CADM2: variants seen among roughly 807,000 people sequenced by gnomAD.
The protein encoded by CADM2 is cell adhesion molecule 2.
A neutral mutation model predicts 49.8 loss-of-function variants in CADM2; 12 were observed. The ratio of observed to expected loss-of-function variants is 0.24; its 90% CI spans 0.15 to 0.39. The LOEUF (loss-of-function observed/expected upper bound fraction) is 0.39, where lower values mean the gene tolerates loss of function less well. Among genes scored for constraint, CADM2 ranks in the 10% least tolerant of loss-of-function variants. The pLI is 1.00. For missense variants in CADM2, 378 were observed against 492.3 expected (o/e 0.77, Z 2.20); for synonymous variants, 214 against 175.4 (o/e 1.22, Z -1.74).
chr3:85,933,948 T>A (rs998837756), intron 6 of CADM2, among the ~76,000 whole-genome samples: 1 of 152,084 alleles, frequency 6.6e-6, no homozygotes, highest in African/African-American at 2.4e-5. Flanking sequence ...CTCTACTCAG[T>A]CTACCAACTT....
intron 6 of CADM2, among the ~76,000 whole-genome samples, chr3:85,915,685 C>T (rs572104270): frequency 4.6e-5 from 7 of 152,154 alleles, no homozygotes; most frequent in African/African-American, 7.2e-5. Flanking sequence ...GAAAGAAGAG[C>T]TCAGCCTTGG....
intron 6 of CADM2, among the ~76,000 whole-genome samples, chr3:85,918,920 A>G (rs946555093): frequency 6.6e-6 from 1 of 152,088 alleles, no homozygotes; most frequent in African/African-American, 2.4e-5. Flanking sequence ...TAAATAATGT[A>G]TCTGCACTCA....
chr3:85,322,775 C>T (rs1489322364), intron 1 of CADM2, among the ~76,000 whole-genome samples: 3 of 152,098 alleles, frequency 2.0e-5, no homozygotes, highest in Non-Finnish European at 4.4e-5. Context: ...ATCCATTCTA[C>T]TGAGGTGGGT....
At chr3:85,723,264 G>T (rs554117305) in intron 1 of CADM2, among the ~76,000 whole-genome samples, 3 of 152,088 alleles carry the variant, frequency 2.0e-5, no homozygotes, top group Non-Finnish European at 2.9e-5. Context: ...ACAAAAAATG[G>T]TGTCATATCT....
At chr3:85,314,651 T>C (rs759864120) in intron 1 of CADM2, among the ~76,000 whole-genome samples, 1 of 152,148 alleles carries the variant, frequency 6.6e-6, no homozygotes, top group African/African-American at 2.4e-5. Flanking sequence ...TACCTCTTAC[T>C]CAATAAATAA....
At chr3:85,875,231 A>G (rs930665229) in intron 3 of CADM2, among the ~76,000 whole-genome samples, 1 of 152,126 alleles carries the variant, frequency 6.6e-6, no homozygotes, top group South Asian at 2.1e-4. Context: ...TCTGTCTGTA[A>G]TACAAATCTT....
At chr3:85,050,426 G>C (rs993958548) in intron 1 of CADM2, among the ~76,000 whole-genome samples, 2 of 152,016 alleles carry the variant, frequency 1.3e-5, no homozygotes, top group African/African-American at 4.8e-5. Context: ...CTATGGACCA[G>C]AACAAAATGC....
intron 1 of CADM2, among the ~76,000 whole-genome samples, chr3:85,107,071 G>A (rs928477423): frequency 5.9e-5 from 9 of 152,086 alleles, no homozygotes; most frequent in African/African-American, 1.9e-4. Context: ...TCACAAGGAA[G>A]ATACAGTGTC....
At chr3:85,003,666 C>G (rs917690994) in intron 1 of CADM2, among the ~76,000 whole-genome samples, 1 of 152,046 alleles carries the variant, frequency 6.6e-6, no homozygotes, top group African/African-American at 2.4e-5. Context: ...CACATTTCTA[C>G]AGAGTATTGT....
intron 1 of CADM2, among the ~76,000 whole-genome samples, chr3:84,964,572 T>C (rs542773059): frequency 1.3e-5 from 2 of 152,284 alleles, no homozygotes; most frequent in South Asian, 2.1e-4. Context: ...GCTGAATAGA[T>C]TGAGGAAGTA....
At chr3:85,106,672 A>T (rs917502148) in intron 1 of CADM2, among the ~76,000 whole-genome samples, 4 of 152,158 alleles carry the variant, frequency 2.6e-5, no homozygotes, top group Non-Finnish European at 5.9e-5. Flanking sequence ...TAGTATTTGG[A>T]TATTAATTAA....
chr3:85,450,823 T>C (rs534955748), intron 1 of CADM2, among the ~76,000 whole-genome samples: 1 of 152,078 alleles, frequency 6.6e-6, no homozygotes, highest in East Asian at 1.9e-4. Context: ...ACCAGAAAAA[T>C]ATGAAATAAA....
In CADM2 at chr3:86,068,110, T is replaced by A. The variant is rs186108557; in HGVS notation, c.*1327T>A. The A allele has an allele frequency of 3.0e-4, 46 of 152,570 alleles. No homozygotes were observed. Among genetic ancestry groups the A allele is most frequent in the Admixed American group, 2.6e-3 (39 of 15,294 alleles). 9.5% of individuals were successfully genotyped at this position (152,570 alleles called of 1,614,324 possible). A position where few individuals can be genotyped will look rare whatever the true frequency, so the allele number is the denominator to read the frequency against. ...GTTTTCTGTATAAATGAACTAATTC[T>A]TTATATTAAATTCCTGTCTATGCAT... On this transcript the variant is annotated 3_prime_UTR_variant, in exon 10 of 10. Coordinates refer to ENST00000383699, the MANE Select transcript of CADM2 (RefSeq NM_001167675.2).
intron 1 of CADM2, among the ~76,000 whole-genome samples, chr3:85,299,345 G>A (rs1195586350): frequency 6.6e-6 from 1 of 151,824 alleles, no homozygotes; most frequent in African/African-American, 2.4e-5. Context: ...CAAGTATTTC[G>A]GGCTTTTTAT....
At chr3:85,206,464 C>CTAT (rs2041639608) in intron 1 of CADM2, among the ~76,000 whole-genome samples, 1 of 151,822 alleles carries the variant, frequency 6.6e-6, no homozygotes, top group Non-Finnish European at 1.5e-5. Context: ...CCCGTCACCA[C>CTAT]GCCCGGCTAA....
intron 8 of CADM2, among the ~76,000 whole-genome samples, chr3:86,043,177 G>A (rs1039778327): frequency 2.0e-5 from 3 of 152,150 alleles, no homozygotes; most frequent in African/African-American, 7.2e-5. Flanking sequence ...CACAAGACAG[G>A]GATGCCTTCT....
At chr3:85,369,313 A>G (rs2033023366) in intron 1 of CADM2, among the ~76,000 whole-genome samples, 1 of 152,194 alleles carries the variant, frequency 6.6e-6, no homozygotes, top group Non-Finnish European at 1.5e-5. Context: ...ACATATCATG[A>G]CTACATATAT....
intron 7 of CADM2, among the ~76,000 whole-genome samples, chr3:85,943,028 T>C (rs1399560002): frequency 2.0e-5 from 3 of 152,150 alleles, no homozygotes; most frequent in Non-Finnish European, 4.4e-5. Flanking sequence ...ATTCCCATTC[T>C]AACTGGTGTG....
chr3:86,045,977 C>T (rs1185250984), intron 8 of CADM2, among the ~76,000 whole-genome samples: 1 of 152,044 alleles, frequency 6.6e-6, no homozygotes, highest in African/African-American at 2.4e-5. Context: ...TCATTTTTAA[C>T]CATTATGACA....
Sources: gnomAD v4.1 joint callset for allele counts (sites outside exome capture counted in the v4.1 genomes callset) on GRCh38, gnomAD v4.1.1 for gene constraint, MANE v1.5 for transcripts, NCBI Gene and HGNC (gene_info 2026-07-23, HGNC 2026-07-21) for gene names.